Variants in ROBO2 observed in about 807,000 individuals in gnomAD.
ROBO2 encodes roundabout guidance receptor 2, also known as roundabout homolog 2.
In ROBO2, 53 loss-of-function variants were observed where a neutral mutation model predicts 160.8. The ratio of observed to expected loss-of-function variants is 0.33; its 90% CI spans 0.26 to 0.41. ROBO2 has a LOEUF of 0.41. Ranked by LOEUF, ROBO2 falls within the 10% of genes least tolerant of loss-of-function variation. ROBO2 has a pLI of 1.00. For missense variants in ROBO2, 1,577 were observed against 1,722.4 expected (o/e 0.92, Z 1.49); for synonymous variants, 664 against 611.7 (o/e 1.09, Z -1.26).
chr3:77,357,715 C>A (rs12386393), intron 2 of ROBO2, among the ~76,000 whole-genome samples: 47,666 of 151,964 alleles, frequency 0.31, 7,952 homozygotes, highest in Non-Finnish European at 0.38. Context: ...CTTCCATGTT[C>A]TGTAATAAAT....
chr3:76,866,801 TAAGAG>T (rs1458291226), intron 2 of ROBO2, among the ~76,000 whole-genome samples: 5 of 152,146 alleles, frequency 3.3e-5, no homozygotes, highest in African/African-American at 9.7e-5. Flanking sequence ...TCAGGTTGAA[TAAGAG>T]AAGAGTAGGA....
intron 2 of ROBO2, among the ~76,000 whole-genome samples, chr3:76,682,850 G>T (rs1214503944): frequency 6.6e-6 from 1 of 152,184 alleles, no homozygotes; most frequent in Non-Finnish European, 1.5e-5. Context: ...TTAGGTTGAA[G>T]ATATCTGCAG....
intron 2 of ROBO2, among the ~76,000 whole-genome samples, chr3:77,211,891 G>A (rs1300257795): frequency 6.6e-6 from 1 of 152,140 alleles, no homozygotes; most frequent in Non-Finnish European, 1.5e-5. Flanking sequence ...TTGTAGATAT[G>A]TGGCATTATT....
chr3:76,975,191 C>G (rs1057016174), intron 2 of ROBO2, among the ~76,000 whole-genome samples: 20 of 152,132 alleles, frequency 1.3e-4, no homozygotes, highest in African/African-American at 4.6e-4. Context: ...TCTTCCTACA[C>G]AGAAGGCTTC....
intron 2 of ROBO2, among the ~76,000 whole-genome samples, chr3:76,545,189 G>A (rs966594321): frequency 6.6e-6 from 1 of 151,806 alleles, no homozygotes; most frequent in African/African-American, 2.4e-5. Flanking sequence ...TTTTCTCTAG[G>A]GTACTAGGCC....
chr3:76,459,014 G>A (rs1262695364), intron 2 of ROBO2, among the ~76,000 whole-genome samples: 3 of 152,144 alleles, frequency 2.0e-5, no homozygotes, highest in East Asian at 3.9e-4. Flanking sequence ...TCATCTGTGA[G>A]ATAAATACAA....
At chr3:77,545,438 G>A (rs540718348) in intron 6 of ROBO2, among the ~76,000 whole-genome samples, 21 of 152,146 alleles carry the variant, frequency 1.4e-4, no homozygotes, top group African/African-American at 4.8e-4. Flanking sequence ...AACACCAAGG[G>A]ATTTCTTTCT....
intron 2 of ROBO2, among the ~76,000 whole-genome samples, chr3:77,398,528 CT>C (rs1379745605): frequency 6.6e-6 from 1 of 151,988 alleles, no homozygotes; most frequent in African/African-American, 2.4e-5. Flanking sequence ...AGGGCTTTCT[CT>C]TGCTCAGGTT....
chr3:77,400,661 TTG>T (rs2075713324), intron 2 of ROBO2, among the ~76,000 whole-genome samples: 2 of 152,328 alleles, frequency 1.3e-5, no homozygotes, highest in South Asian at 4.1e-4. Context: ...TATGATTGCC[TTG>T]TAATCGTTCA....
chr3:76,129,084 T>C (rs2071120079), intron 2 of ROBO2, among the ~76,000 whole-genome samples: 1 of 150,692 alleles, frequency 6.6e-6, no homozygotes, highest in Non-Finnish European at 1.5e-5. Context: ...AAACTCAAGA[T>C]CTGGGGACAT....
At chr3:77,027,788 G>A (rs1428300222) in intron 2 of ROBO2, among the ~76,000 whole-genome samples, 4 of 152,160 alleles carry the variant, frequency 2.6e-5, no homozygotes, top group African/African-American at 9.7e-5. Flanking sequence ...GTGTGCGTGT[G>A]TGCCAGGGGA....
At chr3:77,032,937 A>G (rs1384563167) in intron 2 of ROBO2, among the ~76,000 whole-genome samples, 1 of 152,148 alleles carries the variant, frequency 6.6e-6, no homozygotes, top group African/African-American at 2.4e-5. Flanking sequence ...TGTGTGGAAG[A>G]AAGGAAGGAG....
intron 4 of ROBO2, among the ~76,000 whole-genome samples, chr3:77,484,225 C>G (rs1376474415): frequency 6.6e-6 from 1 of 151,872 alleles, no homozygotes; most frequent in Non-Finnish European, 1.5e-5. Context: ...TATACACCTT[C>G]CTGAAGTATA....
At chr3:77,101,132 A>C (rs1224698947) in intron 2 of ROBO2, among the ~76,000 whole-genome samples, 1 of 152,240 alleles carries the variant, frequency 6.6e-6, no homozygotes, top group African/African-American at 2.4e-5. Flanking sequence ...TTGAAGTCAG[A>C]GAGGCATTAA....
At chr3:77,412,697 T>C (rs1347341419) in intron 2 of ROBO2, among the ~76,000 whole-genome samples, 1 of 152,152 alleles carries the variant, frequency 6.6e-6, no homozygotes, top group African/African-American at 2.4e-5. Flanking sequence ...TAGAGACCCA[T>C]CCTGCCAAGA....
chr3:76,537,479 G>GGA (rs2082571523), intron 2 of ROBO2, among the ~76,000 whole-genome samples: 1 of 152,018 alleles, frequency 6.6e-6, no homozygotes, highest in Non-Finnish European at 1.5e-5. Context: ...AGAAATTGAA[G>GGA]GAGAGAGAGA....
At chr3:77,367,179 G>C (rs76665270) in intron 2 of ROBO2, among the ~76,000 whole-genome samples, 1 of 151,964 alleles carries the variant, frequency 6.6e-6, no homozygotes, top group Admixed American at 6.6e-5. Context: ...AGACCACCAG[G>C]TTACCGTATG....
intron 2 of ROBO2, among the ~76,000 whole-genome samples, chr3:77,321,851 G>A (rs1010821338): frequency 8.5e-5 from 13 of 152,210 alleles, no homozygotes; most frequent in African/African-American, 3.1e-4. Context: ...AGTACACCAA[G>A]GACAAAGTGG....
intron 2 of ROBO2, among the ~76,000 whole-genome samples, chr3:76,081,544 G>A (rs1017968685): frequency 6.6e-6 from 1 of 152,126 alleles, no homozygotes; most frequent in East Asian, 1.9e-4. Flanking sequence ...AATTGGATGA[G>A]AATGAAAAAT....
Sources: allele counts gnomAD v4.1 joint callset (sites outside exome capture counted in the v4.1 genomes callset), GRCh38; gene constraint gnomAD v4.1.1; transcripts MANE v1.5; gene names NCBI Gene and HGNC (gene_info 2026-07-23, HGNC 2026-07-21).